LRP1B: variants seen among roughly 807,000 people sequenced by gnomAD.
LRP1B encodes the protein low-density lipoprotein receptor-related protein 1B.
In LRP1B, 217 loss-of-function variants were observed where a neutral mutation model predicts 556.6. The observed-to-expected ratio is 0.39, with a 90% CI of 0.35 to 0.44. The LOEUF is 0.44. Ranked by LOEUF, LRP1B falls within the 20% of genes least tolerant of loss-of-function variation. The pLI is 1.00. For synonymous variants in LRP1B, 2,047 were observed against 1,865.8 expected, an observed-to-expected ratio of 1.10 and a Z score of -2.50; for missense variants, 5,053 against 5,620.8, an observed-to-expected ratio of 0.90 and a Z score of 3.23.
chr2:141,490,930 GTTTTTTTTTTT>G (rs67482957), intron 2 of LRP1B, among the ~76,000 whole-genome samples: 1 of 135,750 alleles, frequency 7.4e-6, no homozygotes, highest in South Asian at 2.3e-4. Context: ...AGGTTAAAAT[GTTTTTTTTTTT>G]TTTTTTTTTT....
chr2:140,939,803 C>T (rs995157262), intron 20 of LRP1B, among the ~76,000 whole-genome samples: 1 of 150,296 alleles, frequency 6.7e-6, no homozygotes. Context: ...CTTTTAGTTG[C>T]AATTAGAAAA....
At chr2:140,239,583 A>G (rs1680860954) in intron 87 of LRP1B, 51 bp from the exon 88 acceptor site, 2 of 1,237,388 alleles carry the variant, frequency 1.6e-6, no homozygotes, top group South Asian at 2.6e-5. Flanking sequence ...ATGAAGTAAA[A>G]ATTGATAAAA....
intron 66 of LRP1B, among the ~76,000 whole-genome samples, chr2:140,401,063 C>T (rs930304431): frequency 1.3e-5 from 2 of 152,098 alleles, no homozygotes; most frequent in South Asian, 4.1e-4. Flanking sequence ...AAGCAGTGGC[C>T]ATGGGTTGAA....
intron 2 of LRP1B, among the ~76,000 whole-genome samples, chr2:141,791,210 G>A (rs548374368): frequency 2.0e-5 from 3 of 152,016 alleles, no homozygotes; most frequent in African/African-American, 7.2e-5. Context: ...AGTAAAAAGA[G>A]AGAATTGCAT....
intron 7 of LRP1B, among the ~76,000 whole-genome samples, chr2:141,103,919 A>G (rs1351926745): frequency 6.6e-6 from 1 of 151,996 alleles, no homozygotes; most frequent in Non-Finnish European, 1.5e-5. Context: ...CACATTTGGC[A>G]TTGACACAAA....
At chr2:140,549,293 G>C (rs888932504) in intron 43 of LRP1B, among the ~76,000 whole-genome samples, 1 of 152,058 alleles carries the variant, frequency 6.6e-6, no homozygotes, top group Non-Finnish European at 1.5e-5. Flanking sequence ...TTAAAATAAA[G>C]AAAAGTGGGA....
chr2:141,660,802 G>C (rs1690188033), intron 2 of LRP1B, among the ~76,000 whole-genome samples: 1 of 152,162 alleles, frequency 6.6e-6, no homozygotes, highest in Non-Finnish European at 1.5e-5. Flanking sequence ...GCAGCGCAGT[G>C]CACACCTTCC....
intron 1 of LRP1B, among the ~76,000 whole-genome samples, chr2:141,840,740 A>C (rs1697440597): frequency 1.3e-5 from 2 of 152,132 alleles, no homozygotes; most frequent in Admixed American, 1.3e-4. Flanking sequence ...CTGCCAGACA[A>C]AATACAGGAG....
chr2:140,290,696 A>G (rs1683336631), intron 84 of LRP1B, among the ~76,000 whole-genome samples: 1 of 152,102 alleles, frequency 6.6e-6, no homozygotes. Flanking sequence ...GGCCTGCCAT[A>G]AGCTTAACAG....
At chr2:141,292,088 C>G (rs571694903) in intron 3 of LRP1B, among the ~76,000 whole-genome samples, 1 of 152,272 alleles carries the variant, frequency 6.6e-6, no homozygotes, top group Admixed American at 6.5e-5. Context: ...GCTCCACCTC[C>G]TGTCAGATCA....
intron 7 of LRP1B, among the ~76,000 whole-genome samples, chr2:141,166,583 T>C (rs1021120066): frequency 6.6e-6 from 1 of 151,916 alleles, no homozygotes; most frequent in African/African-American, 2.4e-5. Flanking sequence ...TAAGTCATTG[T>C]TGACTGTAAT....
chr2:142,039,601 AGT>A (rs1356959425), intron 1 of LRP1B, among the ~76,000 whole-genome samples: 2 of 151,532 alleles, frequency 1.3e-5, no homozygotes, highest in Admixed American at 1.3e-4. Context: ...AGATGGGAAT[AGT>A]GTGTTTGTGT....
At chr2:141,569,150 A>G (rs111274905) in intron 2 of LRP1B, among the ~76,000 whole-genome samples, 12 of 151,150 alleles carry the variant, frequency 7.9e-5, no homozygotes, top group African/African-American at 2.7e-4. Context: ...TACAGATTCT[A>G]ACAAATCTCA....
intron 3 of LRP1B, among the ~76,000 whole-genome samples, chr2:141,276,799 A>C: frequency 6.6e-6 from 1 of 151,406 alleles, no homozygotes; most frequent in South Asian, 2.1e-4. Context: ...TGGGACTACA[A>C]GCGGCCGCCA....
intron 58 of LRP1B, among the ~76,000 whole-genome samples, chr2:140,487,303 G>C (rs983380310): frequency 2.6e-5 from 4 of 151,822 alleles, no homozygotes; most frequent in African/African-American, 9.7e-5. Flanking sequence ...TAAATCAACA[G>C]AATTGAATTG....
intron 60 of LRP1B, among the ~76,000 whole-genome samples, chr2:140,469,328 C>A (rs971590297): frequency 6.6e-6 from 1 of 152,134 alleles, no homozygotes; most frequent in Non-Finnish European, 1.5e-5. Context: ...CAACAAGGAA[C>A]CATCTATGAA....
intron 27 of LRP1B, among the ~76,000 whole-genome samples, chr2:140,854,002 T>C (rs1692537153): frequency 6.9e-6 from 1 of 145,710 alleles, no homozygotes; most frequent in Admixed American, 7.0e-5. Context: ...ATATATCAAG[T>C]CAAGTTTACC....
chr2:141,334,227 T>C (rs1687764272), intron 3 of LRP1B, among the ~76,000 whole-genome samples: 1 of 152,184 alleles, frequency 6.6e-6, no homozygotes, highest in South Asian at 2.1e-4. Flanking sequence ...ACGTGGGGCC[T>C]GTTGGGAAGT....
intron 59 of LRP1B, among the ~76,000 whole-genome samples, chr2:140,478,657 C>T (rs570490559): frequency 6.6e-6 from 1 of 152,224 alleles, no homozygotes; most frequent in South Asian, 2.1e-4. Context: ...ACCCTAGAAA[C>T]AGATTACATG....
Sources: gnomAD v4.1 joint callset for allele counts (sites outside exome capture counted in the v4.1 genomes callset) on GRCh38, gnomAD v4.1.1 for gene constraint, MANE v1.5 for transcripts, NCBI Gene and HGNC (gene_info 2026-07-23, HGNC 2026-07-21) for gene names.